Variants in PLCB2 observed in about 807,000 individuals in gnomAD.
The protein encoded by PLCB2 is 1-phosphatidylinositol 4,5-bisphosphate phosphodiesterase beta-2.
In PLCB2, 115 loss-of-function variants were observed where a neutral mutation model predicts 141.7. That is an observed-to-expected ratio of 0.81 (90% CI 0.70 to 0.95). PLCB2 has a LOEUF of 0.95. PLCB2 is among the 40% of genes least tolerant of loss of function. The pLI is 0.00. For missense variants in PLCB2, 1,403 were observed against 1,541.1 expected, an observed-to-expected ratio of 0.91 and a Z score of 1.50; for synonymous variants, 603 against 595.6, an observed-to-expected ratio of 1.01 and a Z score of -0.18.
chr15:40,298,049 A>G lies in PLCB2; in HGVS notation c.1156-90T>C, dbSNP rs542476540. 135 of 1,195,118 alleles carry G rather than the reference A, an allele frequency of 1.1e-4. 1 individual carries two copies. The African/African-American group carries it at 1.9e-3, about 17-fold the overall frequency. The allele number at this position is 1,195,118 out of a possible 1,614,324, so 74.0% of individuals were successfully genotyped here. The stretch of plus-strand genomic sequence containing the variant: ...CTTTTCCCCCCTGCCTAGTTTCAAT[A>G]CACACATATAACTGCATGGCCGCCA... On this transcript the variant is annotated intron_variant, in intron 11 of 31. Coordinates refer to ENST00000260402, the MANE Select transcript of PLCB2 (RefSeq NM_004573.3).
Position 40,297,383 on chromosome 15 carries a change from G to T in PLCB2, c.1323+138C>A. Reference sequence around the variant, plus strand: ...CAGCCCAGTGCCTGACACACGGAAGGTGACAGGATCCCAGACCCGCATCTA... The same window carrying T: ...CAGCCCAGTGCCTGACACACGGAAGTTGACAGGATCCCAGACCCGCATCTA... On this transcript the variant is annotated intron_variant, in intron 13 of 31. Transcript: ENST00000260402. The surrounding 1 kb of genome is among the most constrained non-coding windows in gnomAD (Gnocchi z 4.2). 1.4e-6 allele frequency: 1 copy of T among 717,242 alleles called. No homozygotes were observed. 44.4% of individuals were successfully genotyped at this position (717,242 alleles called of 1,614,324 possible).
intron 9 of PLCB2, 37 bp from the exon 10 acceptor site, chr15:40,298,745 G>A (rs371185559): frequency 1.9e-5 from 30 of 1,611,932 alleles, no homozygotes; most frequent in East Asian, 6.7e-5. Context: ...CTACAACCCC[G>A]CTGCCAAGGC....
chr15:40,284,379 C>T (rs1467697540), downstream of PLCB2: 1 of 388,936 alleles, frequency 2.6e-6, no homozygotes, highest in Non-Finnish European at 5.2e-6. Context: ...GAAGACAACA[C>T]TGGGACTTAA....
intron 16 of PLCB2, among the ~76,000 whole-genome samples, chr15:40,295,733 G>A (rs916046293): frequency 6.6e-6 from 1 of 152,160 alleles, no homozygotes; most frequent in African/African-American, 2.4e-5. Flanking sequence ...TACCCAGGTG[G>A]GGATGCAGGC....
chr15:40,292,460 G>T lies in PLCB2; in HGVS notation c.2327-17C>A, dbSNP rs760033089. On this transcript the variant is annotated splice_polypyrimidine_tract_variant and intron_variant, in intron 21 of 31. Transcript: ENST00000260402. Reference sequence around the variant, plus strand: ...GGTGGTACCCTGTGAGACAGGACAGGGTAGGCAGTGAGCCAGAGCCCGTTC... The same window carrying T: ...GGTGGTACCCTGTGAGACAGGACAGTGTAGGCAGTGAGCCAGAGCCCGTTC... The T allele has an allele frequency of 1.9e-6, 3 of 1,583,070 alleles. No homozygotes were observed. The highest frequency in any genetic ancestry group is 2.6e-6 in the Non-Finnish European group (3 of 1,153,908).
chr15:40,289,030 G>A, intron 31 of PLCB2, 112 bp from the exon 32 acceptor site: 1 of 1,462,000 alleles, frequency 6.8e-7, no homozygotes, highest in Non-Finnish European at 9.1e-7. Context: ...GAGCTCCCAG[G>A]AGACTGGGGT....
Position 40,288,197 on chromosome 15 carries a change from G to A in PLCB2, c.*518C>T, listed in dbSNP as rs1325087013. The stretch of plus-strand genomic sequence containing the variant: ...GGGGAGGGGAGGGCCCTCAGCCAGG[G>A]AGTGGCCGTCCCCAGGGAGCTGTGA... On this transcript the variant is annotated 3_prime_UTR_variant, in exon 32 of 32. Coordinates refer to ENST00000260402, the MANE Select transcript of PLCB2 (RefSeq NM_004573.3). 5 of 985,612 alleles carry A rather than the reference G, an allele frequency of 5.1e-6. No homozygotes were observed. In the East Asian group the frequency reaches 5.7e-4, roughly 112 times the overall value. 61.1% of individuals were successfully genotyped at this position (985,612 alleles called of 1,614,324 possible). A position where few individuals can be genotyped will look rare whatever the true frequency, so the allele number is the denominator to read the frequency against.
Position 40,291,142 on chromosome 15 carries a change from T to G in PLCB2, c.2912A>C (p.Glu971Ala), listed in dbSNP as rs559524517. Reference sequence around the variant, plus strand: ...GCGCCCGTCCACGCCCTCAGGGCCCTCGCCCGGCGCGGCTCCGGCGCTCTC... The same window carrying G: ...GCGCCCGTCCACGCCCTCAGGGCCCGCGCCCGGCGCGGCTCCGGCGCTCTC... ...REESAGAAPGEGPEGVDGRVR... is the reference protein window; with the variant it reads ...REESAGAAPGAGPEGVDGRVR... Residue 971 changes from glutamate to alanine, a missense_variant, in exon 27 of 32, where the codon GAG becomes GCG. Around this residue, in one of 4 missense-constraint regions of PLCB2, gnomAD observed 290 missense variants for 245.9 expected, o/e 1.18. Transcript: ENST00000260402. 2.0e-5 allele frequency: 31 copies of G among 1,572,158 alleles called. No individual in the cohort carries two copies. In the African/African-American group the frequency reaches 3.4e-4, roughly 17 times the overall value.
intron 1 of PLCB2, among the ~76,000 whole-genome samples, chr15:40,305,256 C>T (rs565417841): frequency 6.6e-6 from 1 of 150,684 alleles, no homozygotes; most frequent in African/African-American, 2.4e-5. Flanking sequence ...TATACATGTG[C>T]CATGGTGGTT....
At chr15:40,306,067 G>T (rs2040779483) in intron 1 of PLCB2, among the ~76,000 whole-genome samples, 1 of 152,200 alleles carries the variant, frequency 6.6e-6, no homozygotes, top group Non-Finnish European at 1.5e-5. Flanking sequence ...GCCTTGCAGA[G>T]TTTCTTTCCA....
chr15:40,303,931 C>A (rs924383714), intron 2 of PLCB2, 70 bp downstream of exon 2: 87 of 1,107,180 alleles, frequency 7.9e-5, no homozygotes, highest in Non-Finnish European at 1.1e-4. Flanking sequence ...CACCTTGGTG[C>A]AGCCAGGGGG....
intron 27 of PLCB2, 26 bp from the exon 28 acceptor site, chr15:40,290,863 C>G (rs1429601845): frequency 3.1e-6 from 5 of 1,591,908 alleles, no homozygotes; most frequent in Non-Finnish European, 2.6e-6. Context: ...GTAAGCTTGG[C>G]GAGAAGCCCT....
At chr15:40,291,519 C>T (rs1165537638) in intron 25 of PLCB2, 32 bp from the exon 26 acceptor site, 2 of 1,600,152 alleles carry the variant, frequency 1.2e-6, no homozygotes, top group Non-Finnish European at 8.5e-7. Context: ...GCAACACCGG[C>T]CAGGCCGTCC....
chr15:40,299,869 A>C (rs2040421522), intron 7 of PLCB2, among the ~76,000 whole-genome samples: 1 of 152,250 alleles, frequency 6.6e-6, no homozygotes. Flanking sequence ...AAAGATGGAC[A>C]ATGGATTTGG....
chr15:40,291,165 C>T lies in PLCB2; in HGVS notation c.2889G>A (p.Glu963=), dbSNP rs1166799671. Residue 963 remains glutamate (E), a synonymous_variant, in exon 27 of 32, where the codon GAG becomes GAA. Transcript: ENST00000260402. The part of the protein sequence containing the change: ...SRKKRSLPRE[E]SAGAAPGEGP... ...CCTCGCCCGGCGCGGCTCCGGCGCT[C>T]TCCTCGCGGGGCAGGCTCCTGGGGA... is the stretch of plus-strand genomic sequence containing the variant. 1.3e-6 allele frequency: 2 copies of T among 1,571,174 alleles called. No homozygotes were observed. The highest frequency in any genetic ancestry group is 1.7e-6 in the Non-Finnish European group (2 of 1,166,302).
chr15:40,298,828 A>ACTTGT lies in PLCB2; in HGVS notation c.815_819dup (p.Tyr274ThrfsTer43). The ACTTGT allele has an allele frequency of 1.2e-6, 2 of 1,613,772 alleles. No individual in the cohort carries two copies. The highest frequency in any genetic ancestry group is 2.7e-5 in the African/African-American group (2 of 75,038). On this transcript the variant is annotated frameshift_variant, in exon 9 of 32. Transcript: ENST00000260402. LOFTEE classifies it high-confidence loss of function. ...TGTGCATTGATGCCACTGGGCTCAT[A>ACTTGT]CTTGTCGATGAGGCCCTGCACCTGG...
At chr15:40,293,855 G>C in intron 19 of PLCB2, 131 bp from the exon 20 acceptor site, 1 of 868,824 alleles carries the variant, frequency 1.2e-6, no homozygotes, top group Non-Finnish European at 1.8e-6. Context: ...ACTCAGCTCT[G>C]GCCATGAGTA....
intron 29 of PLCB2, 62 bp from the exon 30 acceptor site, chr15:40,290,144 G>T: frequency 9.7e-7 from 1 of 1,035,816 alleles, no homozygotes; most frequent in Non-Finnish European, 1.5e-6. Flanking sequence ...AGGGTAACAT[G>T]AAGTCTACGC....
Position 40,298,325 on chromosome 15 carries a change from A to G in PLCB2, c.1053T>C (p.Ser351=), listed in dbSNP as rs769482333. The change falls in exon 11 of 32, where the codon TCT becomes TCC. Residue 351 remains serine, a synonymous_variant. Transcript: ENST00000260402. ...SAEMYRQVLL[S]GCRCVELDCW... ...AGTCTAGCTCCACGCAACGGCAGCCAGAGAGCAGCACCTGGCGGTACATCT... is the reference window on the plus strand; with the variant it reads ...AGTCTAGCTCCACGCAACGGCAGCCGGAGAGCAGCACCTGGCGGTACATCT... 6.2e-7 allele frequency: 1 copy of G among 1,607,458 alleles called. No individual in the cohort carries two copies. Among genetic ancestry groups the G allele is most frequent in the South Asian group, 1.1e-5 (1 of 90,450 alleles).
Sources: gnomAD v4.1 joint callset for allele counts (sites outside exome capture counted in the v4.1 genomes callset) on GRCh38, gnomAD v4.1.1 for gene constraint, gnomAD v4.1.1 regional missense constraint, Gnocchi (gnomAD v3.1) non-coding constraint, MANE v1.5 for transcripts, NCBI Gene and HGNC (gene_info 2026-07-23, HGNC 2026-07-21) for gene names.